Variants in OPCML observed in about 807,000 individuals in gnomAD.
OPCML encodes opioid-binding protein/cell adhesion molecule.
OPCML carries 13 observed loss-of-function variants against 37.8 expected under a neutral mutation model. The observed-to-expected ratio is 0.34, with a 90% confidence interval of 0.22 to 0.55. The LOEUF (loss-of-function observed/expected upper bound fraction) is 0.55. Among genes scored for constraint, OPCML ranks in the 20% least tolerant of loss-of-function variants. OPCML has a pLI of 0.91. For missense variants in OPCML, 341 were observed against 435.6 expected, an observed-to-expected ratio of 0.78 and a Z score of 1.93; for synonymous variants, 176 against 168.8, an observed-to-expected ratio of 1.04 and a Z score of -0.33.
chr11:133,020,289 G>A (rs1037237784), intron 1 of OPCML, among the ~76,000 whole-genome samples: 2 of 152,168 alleles, frequency 1.3e-5, no homozygotes, highest in African/African-American at 4.8e-5. Flanking sequence ...GATTGCAATG[G>A]ATTGCAAGCC....
At chr11:133,318,512 C>A (rs1304603157) in intron 1 of OPCML, among the ~76,000 whole-genome samples, 3 of 148,822 alleles carry the variant, frequency 2.0e-5, no homozygotes, top group African/African-American at 7.4e-5. Context: ...TGACCCCCCA[C>A]CCTGTTCCTG....
chr11:133,018,691 G>T (rs1947384920), intron 1 of OPCML, among the ~76,000 whole-genome samples: 1 of 152,192 alleles, frequency 6.6e-6, no homozygotes, highest in Admixed American at 6.5e-5. Flanking sequence ...AAAGAGCTCC[G>T]ACTGGGCTTG....
chr11:133,423,396 C>T, intron 1 of OPCML: 1 of 985,372 alleles, frequency 1.0e-6, no homozygotes, highest in African/African-American at 1.7e-5. Flanking sequence ...GCTTCTTTCC[C>T]TAGGTAGGAG....
Position 132,418,975 on chromosome 11 carries a change from T to C in OPCML, c.*1218A>G, listed in dbSNP as rs2095948021. 6.6e-6 allele frequency: 1 copy of C among 152,662 alleles called. No homozygotes were observed. Among genetic ancestry groups the C allele is most frequent in the African/African-American group, 2.4e-5 (1 of 41,456 alleles). The allele number at this position is 152,662 out of a possible 1,614,324, so 9.5% of individuals were successfully genotyped here. A position where few individuals can be genotyped will look rare whatever the true frequency, so the allele number is the denominator to read the frequency against. On this transcript the variant is annotated 3_prime_UTR_variant, in exon 8 of 8. Transcript: ENST00000524381. ...AAAACACAGGCTCTTCTGGGAATAG[T>C]GAGTGACTGATCATTAGCTTGCTAC...
At chr11:133,334,722 C>T (rs1457553840) in intron 1 of OPCML, among the ~76,000 whole-genome samples, 2 of 152,140 alleles carry the variant, frequency 1.3e-5, no homozygotes, top group Non-Finnish European at 2.9e-5. Flanking sequence ...ACAAGCAGAC[C>T]GAGCCCTGCT....
At chr11:132,840,649 G>C (rs900831325) in intron 2 of OPCML, among the ~76,000 whole-genome samples, 1 of 152,172 alleles carries the variant, frequency 6.6e-6, no homozygotes, top group African/African-American at 2.4e-5. Context: ...ATTATCACAA[G>C]GTTGCTCAAT....
chr11:132,681,555 C>CT (rs1262309338), intron 2 of OPCML, among the ~76,000 whole-genome samples: 3 of 152,164 alleles, frequency 2.0e-5, no homozygotes, highest in Non-Finnish European at 4.4e-5. Flanking sequence ...CTGAGAGCCT[C>CT]TTTCACATCG....
In OPCML at chr11:133,177,781, C is replaced by T. The variant is rs1453357023; in HGVS notation, c.62-234771G>A. The stretch of plus-strand genomic sequence containing the variant: ...CATGGAATCGGCCCCACACACTCAC[C>T]GAAATGGCTCCAAAATTTGATATCA... On this transcript the variant is annotated intron_variant, in intron 1 of 7. Coordinates refer to ENST00000524381, the MANE Select transcript of OPCML (RefSeq NM_001012393.5). This position sits in a 1 kb window ranked among gnomAD's most constrained non-coding sequence, Gnocchi z 5.0. Among the ~76,000 whole-genome samples the T allele has an allele frequency of 3.9e-5, 6 of 152,088 alleles. No homozygotes were observed. Among genetic ancestry groups the T allele is most frequent in the Admixed American group, 1.3e-4 (2 of 15,274 alleles).
Position 132,420,308 on chromosome 11 carries a change from G to A in OPCML, c.917-15C>T. The A allele has an allele frequency of 6.2e-7, 1 of 1,613,278 alleles. No individual in the cohort carries two copies. The highest frequency in any genetic ancestry group is 8.5e-7 in the Non-Finnish European group (1 of 1,179,666). On this transcript the variant is annotated splice_polypyrimidine_tract_variant and intron_variant, in intron 7 of 7. Coordinates refer to ENST00000524381, the MANE Select transcript of OPCML (RefSeq NM_001012393.5). ...TGCTCCAGGCCCTGTGTAGGGGAGA[G>A]AGAGACAGACCCATTAGCATACACC...
intron 3 of OPCML, among the ~76,000 whole-genome samples, chr11:132,556,261 T>A (rs1278634781): frequency 6.6e-6 from 1 of 152,168 alleles, no homozygotes; most frequent in African/African-American, 2.4e-5. Context: ...TTGTTCTTTA[T>A]AGTAAGGGAA....
chr11:132,702,457 C>A (rs952779797), intron 2 of OPCML, among the ~76,000 whole-genome samples: 18 of 152,148 alleles, frequency 1.2e-4, no homozygotes, highest in African/African-American at 4.3e-4. Flanking sequence ...TTGTATGTAA[C>A]CAGTCACTTT....
At chr11:133,278,645 G>A (rs1160560865) in intron 1 of OPCML, among the ~76,000 whole-genome samples, 1 of 151,988 alleles carries the variant, frequency 6.6e-6, no homozygotes, top group East Asian at 1.9e-4. Flanking sequence ...GTTTCATACT[G>A]CAGATAGTAG....
intron 3 of OPCML, among the ~76,000 whole-genome samples, chr11:132,574,941 A>G (rs989580646): frequency 1.3e-5 from 2 of 151,992 alleles, no homozygotes; most frequent in African/African-American, 2.4e-5. Context: ...GTGCTCTGAT[A>G]TTAGGTATAT....
chr11:133,298,048 C>T (rs1592178424), intron 1 of OPCML: 1 of 152,212 alleles, frequency 6.6e-6, no homozygotes, highest in Non-Finnish European at 1.5e-5. Flanking sequence ...TTCATTCCTT[C>T]CTGCTTCTCT....
chr11:133,125,725 A>G (rs1274006151), intron 1 of OPCML, among the ~76,000 whole-genome samples: 7 of 108,380 alleles, frequency 6.5e-5, no homozygotes, highest in Non-Finnish European at 1.3e-4. Context: ...ATATGTATAT[A>G]GTATATATAG....
At chr11:133,397,333 C>T (rs1454607259) in intron 1 of OPCML, among the ~76,000 whole-genome samples, 1 of 152,118 alleles carries the variant, frequency 6.6e-6, no homozygotes, top group Non-Finnish European at 1.5e-5. Context: ...TTCTCAAGCA[C>T]CAATAAGATG....
At position 132,872,428 on chromosome 11, in the gene OPCML, C is replaced by A. The variant is rs562405671; in HGVS notation, c.146+70498G>T. ...CCAGGTACATAATCACTCGTGACAC[C>A]CTCCCCACCTGGTGAGTGTGCAGGC... On this transcript the variant is annotated intron_variant, in intron 2 of 7. Transcript: ENST00000524381. Among the ~76,000 whole-genome samples the A allele has an allele frequency of 7.2e-5, 11 of 152,214 alleles. No homozygotes were observed. The South Asian group carries it at 2.3e-3, about 32-fold the overall frequency.
intron 1 of OPCML, among the ~76,000 whole-genome samples, chr11:132,951,787 A>C (rs1161240116): frequency 6.6e-6 from 1 of 152,218 alleles, no homozygotes; most frequent in Non-Finnish European, 1.5e-5. Flanking sequence ...TGTATATAAT[A>C]AAAGAAACAG....
At chr11:132,758,254 T>G (rs1244374892) in intron 2 of OPCML, among the ~76,000 whole-genome samples, 1 of 152,210 alleles carries the variant, frequency 6.6e-6, no homozygotes, top group Non-Finnish European at 1.5e-5. Flanking sequence ...TCCAACTTTG[T>G]TCTTTTTGCT....
Sources: gnomAD v4.1 joint callset for allele counts (sites outside exome capture counted in the v4.1 genomes callset) on GRCh38, gnomAD v4.1.1 for gene constraint, Gnocchi (gnomAD v3.1) non-coding constraint, MANE v1.5 for transcripts, NCBI Gene and HGNC (gene_info 2026-07-23, HGNC 2026-07-21) for gene names.